Variants in PAK5 observed in about 807,000 individuals in gnomAD.
PAK5 encodes p21 (RAC1) activated kinase 5, also known as serine/threonine-protein kinase PAK 5.
PAK5 carries 16 observed loss-of-function variants against 65.9 expected under a neutral mutation model. That is an observed-to-expected ratio of 0.24 (90% CI 0.16 to 0.37). PAK5 has a LOEUF of 0.37. PAK5 is among the 10% of genes least tolerant of loss of function. The probability of loss-of-function intolerance (pLI) is 1.00; values close to 1 mark genes in which losing one functional copy is unlikely to be tolerated. For synonymous variants in PAK5, 371 were observed against 354.9 expected (o/e 1.05, Z -0.51); for missense variants, 785 against 903.9 (o/e 0.87, Z 1.69).
At chr20:9,598,552 T>A (rs1490604767) in intron 3 of PAK5, among the ~76,000 whole-genome samples, 3 of 152,248 alleles carry the variant, frequency 2.0e-5, no homozygotes, top group Non-Finnish European at 4.4e-5. Context: ...TCCACAATGG[T>A]TGAACTAATC....
chr20:9,608,510 C>T (rs2046497342), intron 3 of PAK5, among the ~76,000 whole-genome samples: 1 of 152,210 alleles, frequency 6.6e-6, no homozygotes, highest in Non-Finnish European at 1.5e-5. Flanking sequence ...TCCATTGTCT[C>T]TAGGTAAGAC....
intron 2 of PAK5, among the ~76,000 whole-genome samples, chr20:9,683,895 G>A (rs984742000): frequency 6.6e-6 from 1 of 152,128 alleles, no homozygotes; most frequent in African/African-American, 2.4e-5. Flanking sequence ...AAATATGAAT[G>A]TAGTGCATTT....
At chr20:9,623,829 A>AGTGAAAAGGG (rs2046804771) in intron 3 of PAK5, among the ~76,000 whole-genome samples, 1 of 152,228 alleles carries the variant, frequency 6.6e-6, no homozygotes, top group African/African-American at 2.4e-5. Flanking sequence ...CAAACACAAT[A>AGTGAAAAGGG]GTGAAAAGAG....
chr20:9,658,011 G>T (rs1179584671), intron 2 of PAK5, among the ~76,000 whole-genome samples: 6 of 152,146 alleles, frequency 3.9e-5, no homozygotes, highest in Non-Finnish European at 5.9e-5. Context: ...TGAAGGTAAT[G>T]ACTAGGAAAA....
At chr20:9,720,928 T>A (rs556114694) in intron 1 of PAK5, among the ~76,000 whole-genome samples, 48 of 152,206 alleles carry the variant, frequency 3.2e-4, no homozygotes, top group African/African-American at 1.0e-3. Flanking sequence ...AGCAGATTTG[T>A]GGTTACCAGA....
At chr20:9,631,403 A>G (rs1433277462) in intron 3 of PAK5, among the ~76,000 whole-genome samples, 1 of 152,192 alleles carries the variant, frequency 6.6e-6, no homozygotes, top group African/African-American at 2.4e-5. Flanking sequence ...ACATTATTAT[A>G]TATATAGTCC....
At chr20:9,626,905 C>T (rs867793627) in intron 3 of PAK5, among the ~76,000 whole-genome samples, 37 of 152,064 alleles carry the variant, frequency 2.4e-4, no homozygotes, top group Middle Eastern at 3.4e-3. Context: ...CTCACCCTTT[C>T]GTGTATGTGT....
intron 2 of PAK5, among the ~76,000 whole-genome samples, chr20:9,654,649 A>T (rs1249026354): frequency 1.3e-5 from 2 of 152,036 alleles, no homozygotes; most frequent in East Asian, 1.9e-4. Flanking sequence ...ATGACTTCTC[A>T]CCGACCTTAA....
chr20:9,713,450 C>T (rs2048102593), intron 1 of PAK5, among the ~76,000 whole-genome samples: 1 of 152,016 alleles, frequency 6.6e-6, no homozygotes, highest in African/African-American at 2.4e-5. Context: ...CGGAAAACAG[C>T]ATGGAGGTTT....
chr20:9,607,277 C>T (rs1054693468), intron 3 of PAK5, among the ~76,000 whole-genome samples: 1 of 152,198 alleles, frequency 6.6e-6, no homozygotes. Flanking sequence ...GAGAAAGTGT[C>T]AGCCAAAGGA....
chr20:9,538,355 A>G lies in PAK5; in HGVS notation c.*1107T>C, dbSNP rs961281938. 8.6e-6 allele frequency: 2 copies of G among 233,546 alleles called. No individual in the cohort carries two copies. The highest frequency in any genetic ancestry group is 1.7e-5 in the Non-Finnish European group (2 of 118,036). The allele number at this position is 233,546 out of a possible 1,614,324, so 14.5% of individuals were successfully genotyped here. A position where few individuals can be genotyped will look rare whatever the true frequency, so the allele number is the denominator to read the frequency against. On this transcript the variant is annotated 3_prime_UTR_variant, in exon 10 of 10. Transcript: ENST00000353224. The stretch of plus-strand genomic sequence containing the variant: ...CGATACATGAACAATAGCGATTAAT[A>G]CTGTGGTACAAAGGTAAATATAGAC...
chr20:9,750,408 C>G (rs747044833), intron 1 of PAK5, among the ~76,000 whole-genome samples: 11 of 152,042 alleles, frequency 7.2e-5, no homozygotes, highest in African/African-American at 9.7e-5. Flanking sequence ...AAAGCCAATG[C>G]AACAAAACTT....
chr20:9,572,247 G>C (rs1379278736), intron 4 of PAK5, among the ~76,000 whole-genome samples: 1 of 152,164 alleles, frequency 6.6e-6, no homozygotes, highest in Admixed American at 6.5e-5. Flanking sequence ...GCTTTCTTCT[G>C]TAAGTTCTTT....
At chr20:9,786,824 A>G (rs1555926712) in intron 1 of PAK5, among the ~76,000 whole-genome samples, 1 of 152,180 alleles carries the variant, frequency 6.6e-6, no homozygotes, top group Non-Finnish European at 1.5e-5. Flanking sequence ...CAGACTGGAC[A>G]TTTGAAAAAT....
At chr20:9,710,649 A>C (rs2123486057) in intron 2 of PAK5, among the ~76,000 whole-genome samples, 1 of 152,276 alleles carries the variant, frequency 6.6e-6, no homozygotes, top group Middle Eastern at 3.4e-3. Context: ...CGACCCCCAC[A>C]CATACTAATT....
chr20:9,635,103 G>A (rs1292877506), intron 3 of PAK5, among the ~76,000 whole-genome samples: 2 of 152,072 alleles, frequency 1.3e-5, no homozygotes, highest in Non-Finnish European at 2.9e-5. Flanking sequence ...ACTTTGCAAT[G>A]AAATTAACTG....
intron 1 of PAK5, among the ~76,000 whole-genome samples, chr20:9,791,827 G>C (rs1195019922): frequency 6.6e-6 from 1 of 152,124 alleles, no homozygotes; most frequent in Non-Finnish European, 1.5e-5. Context: ...ACACCTCCCT[G>C]TTGATTGGGT....
At chr20:9,750,503 AC>A (rs1569072473) in intron 1 of PAK5, among the ~76,000 whole-genome samples, 1 of 152,228 alleles carries the variant, frequency 6.6e-6, no homozygotes, top group African/African-American at 2.4e-5. Flanking sequence ...TTGACGAAAT[AC>A]AACTACTCAT....
rs998859837 is a variant in PAK5, at chr20:9,696,669, A to G, written c.-12+14617T>C. Among the ~76,000 whole-genome samples, 4 of 152,266 alleles carry G rather than the reference A, an allele frequency of 2.6e-5. No homozygotes were observed. The East Asian group carries it at 7.7e-4, about 29-fold the overall frequency. On this transcript the variant is annotated intron_variant, in intron 2 of 9. Transcript: ENST00000353224. ...CAGAAGCAAAGACTTGGACCCACAC[A>G]GTAATAATCAGAGTAAGAAAATTGT...
Sources: allele counts gnomAD v4.1 joint callset (sites outside exome capture counted in the v4.1 genomes callset), GRCh38; gene constraint gnomAD v4.1.1; transcripts MANE v1.5; gene names NCBI Gene and HGNC (gene_info 2026-07-23, HGNC 2026-07-21).